NUP210: variants seen among roughly 807,000 people sequenced by gnomAD.
The protein encoded by NUP210 is nucleoporin 210.
Under a neutral mutation model 196.0 loss-of-function variants are expected in NUP210, and 151 were observed. That is an observed-to-expected ratio of 0.77 (90% CI 0.67 to 0.88). The LOEUF is 0.88. NUP210 is among the 40% of genes least tolerant of loss of function. The pLI, the probability that NUP210 is intolerant of heterozygous loss-of-function variation, is 0.00. For synonymous variants in NUP210, 1,070 were observed against 1,052.7 expected (o/e 1.02, Z -0.32); for missense variants, 2,314 against 2,493.7 (o/e 0.93, Z 1.53).
chr3:13,384,939 C>T (rs1333253727), intron 6 of NUP210, among the ~76,000 whole-genome samples: 1 of 152,222 alleles, frequency 6.6e-6, no homozygotes, highest in South Asian at 2.1e-4. Flanking sequence ...GACACCCACG[C>T]TTGGCTTCCT....
chr3:13,418,972 A>T (rs1190985308), intron 1 of NUP210, among the ~76,000 whole-genome samples: 4 of 123,526 alleles, frequency 3.2e-5, no homozygotes, highest in African/African-American at 1.3e-4. Context: ...AAAAAAAAAA[A>T]AGAAAGAAAG....
chr3:13,391,631 G>A (rs568546994), intron 3 of NUP210, among the ~76,000 whole-genome samples: 4 of 148,732 alleles, frequency 2.7e-5, no homozygotes, highest in East Asian at 2.0e-4. Context: ...TGCCCCGCAC[G>A]TCTGTGAGCG....
At chr3:13,399,664 T>C (rs2124946884) in intron 2 of NUP210, 61 bp downstream of exon 2, 2 of 1,610,574 alleles carry the variant, frequency 1.2e-6, no homozygotes, top group Non-Finnish European at 1.7e-6. Context: ...CCCTGGGTCT[T>C]AGTGGGCGTT....
intron 16 of NUP210, chr3:13,354,695 G>A (rs1396591303): frequency 6.6e-6 from 1 of 152,652 alleles, no homozygotes; most frequent in Non-Finnish European, 1.5e-5. Context: ...TACTGGGTTT[G>A]TACAGCTCCT....
At chr3:13,344,710 A>C (rs1697652783) in intron 20 of NUP210, 1 of 154,442 alleles carries the variant, frequency 6.5e-6, no homozygotes, top group Non-Finnish European at 1.4e-5. Flanking sequence ...TCCTGCCTCC[A>C]CTCCAGATTC....
chr3:13,401,928 C>A (rs567282536), intron 1 of NUP210, among the ~76,000 whole-genome samples: 11 of 151,754 alleles, frequency 7.2e-5, no homozygotes, highest in Non-Finnish European at 1.3e-4. Flanking sequence ...GGTGCAGTGG[C>A]TCATGCCTCT....
intron 8 of NUP210, 133 bp downstream of exon 8, chr3:13,378,779 G>T: frequency 1.4e-6 from 1 of 708,600 alleles, no homozygotes; most frequent in African/African-American, 1.8e-5. Flanking sequence ...CCTGGGCAAT[G>T]ATGGTCATAG....
rs1312273424 is a variant in NUP210, at chr3:13,379,848, CTTAA to C, written c.818-131_818-128del. ...GCTCTCAGTACAGCTGACGCATTTT[CTTAA>C]TTGTTTTCAGTGCTTTAAATGTTAA... On this transcript the variant is annotated intron_variant, in intron 6 of 39. Coordinates refer to ENST00000254508, the MANE Select transcript of NUP210 (RefSeq NM_024923.4). This position sits in a 1 kb window ranked among gnomAD's most constrained non-coding sequence, Gnocchi z 4.2. 2.8e-6 allele frequency: 2 copies of C among 720,884 alleles called. No individual in the cohort carries two copies. The highest frequency in any genetic ancestry group is 4.3e-6 in the Non-Finnish European group (2 of 469,246). 44.7% of individuals were successfully genotyped at this position (720,884 alleles called of 1,614,324 possible).
At chr3:13,328,705 C>T in intron 31 of NUP210, 66 bp downstream of exon 31, 3 of 1,429,794 alleles carry the variant, frequency 2.1e-6, no homozygotes, top group Non-Finnish European at 2.9e-6. Context: ...CTGTGTTATC[C>T]CCAGTTGTCT....
At chr3:13,415,261 C>T (rs1700308103) in intron 1 of NUP210, among the ~76,000 whole-genome samples, 2 of 152,210 alleles carry the variant, frequency 1.3e-5, no homozygotes, top group South Asian at 2.1e-4. Context: ...TTTGTCACCT[C>T]TTATTCAGTG....
At chr3:13,408,368 A>C (rs1459484836) in intron 1 of NUP210, among the ~76,000 whole-genome samples, 1 of 152,166 alleles carries the variant, frequency 6.6e-6, no homozygotes, top group Non-Finnish European at 1.5e-5. Context: ...GGCCTCATAA[A>C]AGTGAATTAG....
At chr3:13,389,682 G>A (rs1292142276) in intron 4 of NUP210, among the ~76,000 whole-genome samples, 1 of 152,184 alleles carries the variant, frequency 6.6e-6, no homozygotes, top group Non-Finnish European at 1.5e-5. Context: ...CTGAGCCCTG[G>A]AGAAGGCTGT....
Position 13,317,269 on chromosome 3 carries a change from A to G in NUP210, c.*412T>C, listed in dbSNP as rs1281619271. ...AAAAACCCCCTAAAGTAACTGGACA[A>G]TCCTTTCCCTGAGACCACTACAGTA... On this transcript the variant is annotated 3_prime_UTR_variant, in exon 40 of 40. Transcript: ENST00000254508. 4 of 206,224 alleles carry G rather than the reference A, an allele frequency of 1.9e-5. No individual in the cohort carries two copies. The highest frequency in any genetic ancestry group is 3.0e-5 in the Non-Finnish European group (3 of 100,930). The allele number at this position is 206,224 out of a possible 1,614,324, so 12.8% of individuals were successfully genotyped here. A position where few individuals can be genotyped will look rare whatever the true frequency, so the allele number is the denominator to read the frequency against.
Position 13,378,937 on chromosome 3 carries a change from G to C in NUP210, c.1020C>G (p.Ile340Met), listed in dbSNP as rs760636536. Residue 340 changes from isoleucine to methionine, a missense_variant, in exon 8 of 40, where the codon ATC (isoleucine) becomes ATG (methionine). Physicochemically the swap from Ile to Met is conservative, Grantham distance 10 (BLOSUM62 1). Coordinates refer to ENST00000254508, the MANE Select transcript of NUP210 (RefSeq NM_024923.4). ...CTAGGTATCCAGGTTCGACCACGTAGATAGTGCTGTTGGGTAACCTAGAAG... is the reference window on the plus strand; with the variant it reads ...CTAGGTATCCAGGTTCGACCACGTACATAGTGCTGTTGGGTAACCTAGAAG... Reference protein sequence around the residue: ...QGASRLPNSTIYVVEPGYLGF... With the variant: ...QGASRLPNSTMYVVEPGYLGF... The C allele has an allele frequency of 1.9e-6, 3 of 1,614,088 alleles. No homozygotes were observed. The highest frequency in any genetic ancestry group is 2.5e-6 in the Non-Finnish European group (3 of 1,179,940).
At chr3:13,349,285 G>C (rs997269291) in intron 20 of NUP210, among the ~76,000 whole-genome samples, 1 of 152,190 alleles carries the variant, frequency 6.6e-6, no homozygotes, top group South Asian at 2.1e-4. Flanking sequence ...CCCAGCTCTC[G>C]GTCAGGTGAT....
intron 3 of NUP210, among the ~76,000 whole-genome samples, chr3:13,392,550 C>T (rs1383132657): frequency 1.3e-5 from 2 of 152,238 alleles, no homozygotes; most frequent in Non-Finnish European, 2.9e-5. Context: ...TGAAAATCCA[C>T]ACCAGCGAAG....
At chr3:13,369,808 G>T (rs1265674904) in intron 13 of NUP210, among the ~76,000 whole-genome samples, 1 of 152,196 alleles carries the variant, frequency 6.6e-6, no homozygotes, top group Non-Finnish European at 1.5e-5. Flanking sequence ...TTACAGTAGT[G>T]CCCACAGCCC....
Position 13,347,490 on chromosome 3 carries a change from G to A in NUP210, c.2836-4187C>T, listed in dbSNP as rs954425342. 4 of 223,878 alleles carry A rather than the reference G, an allele frequency of 1.8e-5. No individual in the cohort carries two copies. The highest frequency in any genetic ancestry group is 4.7e-5 in the African/African-American group (2 of 42,118). 13.9% of individuals were successfully genotyped at this position (223,878 alleles called of 1,614,324 possible). On this transcript the variant is annotated intron_variant, in intron 20 of 39. Transcript: ENST00000254508. The surrounding 1 kb of genome is among the most constrained non-coding windows in gnomAD (Gnocchi z 4.7). ...GGCCCTTACAGAGCGTTCTGGGGCT[G>A]TGTGAGCAAAATTCATCACGGCCCT...
chr3:13,405,262 C>T (rs926246836), intron 1 of NUP210, among the ~76,000 whole-genome samples: 1 of 152,148 alleles, frequency 6.6e-6, no homozygotes, highest in Non-Finnish European at 1.5e-5. Context: ...AAAGCCTGAG[C>T]AAGGAGAATT....
Sources: gnomAD v4.1 joint callset for allele counts (sites outside exome capture counted in the v4.1 genomes callset) on GRCh38, gnomAD v4.1.1 for gene constraint, Gnocchi (gnomAD v3.1) non-coding constraint, MANE v1.5 for transcripts, NCBI Gene and HGNC (gene_info 2026-07-23, HGNC 2026-07-21) for gene names.